E2F4: variants seen among roughly 807,000 people sequenced by gnomAD.
E2F4 encodes transcription factor E2F4.
E2F4 carries 16 observed loss-of-function variants against 44.5 expected under a neutral mutation model. The observed-to-expected ratio is 0.36, with a 90% confidence interval of 0.24 to 0.55. The LOEUF (loss-of-function observed/expected upper bound fraction) is 0.55, where lower values mean the gene tolerates loss of function less well. Ranked by LOEUF, E2F4 falls within the 20% of genes least tolerant of loss-of-function variation. The pLI, the probability that E2F4 is intolerant of heterozygous loss-of-function variation, is 0.87. For missense variants in E2F4, 473 were observed against 522.1 expected (o/e 0.91, Z 0.92); for synonymous variants, 242 against 207.2 (o/e 1.17, Z -1.44).
Position 67,192,227 on chromosome 16 carries a change from G to C in E2F4, c.-1G>C. The C allele has an allele frequency of 8.0e-7, 1 of 1,253,900 alleles. No homozygotes were observed. The highest frequency in any genetic ancestry group is 1.0e-6 in the Non-Finnish European group (1 of 998,284). The allele number at this position is 1,253,900 out of a possible 1,614,324, so 77.7% of individuals were successfully genotyped here. Reference sequence around the variant, plus strand: ...CTGAGGGGAGGCGGCGGGCGGGCGCGATGGCGGAGGCCGGGCCACAGGCGC... The same window carrying C: ...CTGAGGGGAGGCGGCGGGCGGGCGCCATGGCGGAGGCCGGGCCACAGGCGC... On this transcript the variant is annotated 5_prime_UTR_variant, in exon 1 of 10. Transcript: ENST00000379378.
chr16:67,195,358 C>A (rs3730402), intron 6 of E2F4, among the ~76,000 whole-genome samples: 6,057 of 152,290 alleles, frequency 0.04, 167 homozygotes, highest in Non-Finnish European at 0.057. Context: ...TTTCGAACTC[C>A]TGACCTCAAA....
In E2F4 at chr16:67,194,896, C is replaced by A; in HGVS notation, c.724C>A (p.Pro242Thr). Residue 242 changes from proline (P) to threonine (T), a missense_variant, in exon 6 of 10, where the codon CCA (proline) becomes ACA (threonine). Transcript: ENST00000379378. ...ALAQSQEASRPNSPQLTPTAV... is the reference protein window; with the variant it reads ...ALAQSQEASRTNSPQLTPTAV... ...AGCCCAGTCCCAGGAAGCCTCACGT[C>A]CAAATAGTCCTCAGCTCACTCCCAC... 2 of 1,614,184 alleles carry A rather than the reference C, an allele frequency of 1.2e-6. No individual in the cohort carries two copies. Among genetic ancestry groups the A allele is most frequent in the South Asian group, 2.2e-5 (2 of 91,086 alleles).
intron 6 of E2F4, 126 bp downstream of exon 6, chr16:67,195,106 T>C (rs769767670): frequency 4.0e-5 from 49 of 1,221,164 alleles, no homozygotes; most frequent in Non-Finnish European, 4.9e-5. Context: ...CCACCTAGCC[T>C]TCCCTTGCTA....
chr16:67,192,410 T>C, intron 1 of E2F4, 48 bp downstream of exon 1: 2 of 1,417,186 alleles, frequency 1.4e-6, no homozygotes, highest in South Asian at 3.4e-5. Context: ...GGACCAGGCC[T>C]GGGCCGGTAG....
At chr16:67,194,377 C>T (rs756909955) in intron 4 of E2F4, 21 bp from the exon 5 acceptor site, 1 of 1,613,834 alleles carries the variant, frequency 6.2e-7, no homozygotes, top group Non-Finnish European at 8.5e-7. Context: ...GGGCTCTGAC[C>T]CATTCTCCAT....
intron 1 of E2F4, 143 bp from the exon 2 acceptor site, chr16:67,192,618 C>A: frequency 1.1e-6 from 1 of 943,812 alleles, no homozygotes; most frequent in Non-Finnish European, 1.6e-6. Context: ...GCCTATGGGA[C>A]AGAGCTGCGG....
At chr16:67,195,737 C>G in intron 6 of E2F4, 45 bp from the exon 7 acceptor site, 2 of 1,609,696 alleles carry the variant, frequency 1.2e-6, no homozygotes, top group East Asian at 2.2e-5. Flanking sequence ...TTTCAACGAC[C>G]TCTTCCTGAC....
rs751878038 is a variant in E2F4, at chr16:67,197,879, C to T, written c.1094C>T (p.Ser365Leu). ...IFDPTRECMS[S>L]ELLEELMSSE... ...CCTCCATTCCCAGAGTGCATGAGCTCGGAGCTGCTGGAGGAGTTGATGTCC... is the reference window on the plus strand; with the variant it reads ...CCTCCATTCCCAGAGTGCATGAGCTTGGAGCTGCTGGAGGAGTTGATGTCC... Residue 365 changes from serine (S) to leucine (L), a missense_variant, in exon 9 of 10, where the codon TCG becomes TTG. This residue lies in a region of E2F4 where 314 missense variants were observed against 315.6 expected (regional missense o/e 0.99). Transcript: ENST00000379378. 118 of 1,613,838 alleles carry T rather than the reference C, an allele frequency of 7.3e-5. No individual in the cohort carries two copies. Among genetic ancestry groups the T allele is most frequent in the Middle Eastern group, 3.3e-4 (2 of 6,084 alleles).
At position 67,194,880 on chromosome 16, in the gene E2F4, C is replaced by T; in HGVS notation, c.708C>T (p.Ser236=). 2 of 1,614,180 alleles carry T rather than the reference C, an allele frequency of 1.2e-6. No individual in the cohort carries two copies. Among genetic ancestry groups the T allele is most frequent in the Non-Finnish European group, 1.7e-6 (2 of 1,180,032 alleles). ...PPLPKPALAQ[S]QEASRPNSPQ... ...TGCCCAAGCCTGCCCTAGCCCAGTC[C>T]CAGGAAGCCTCACGTCCAAATAGTC... Residue 236 remains serine (S), a synonymous_variant, in exon 6 of 10, where the codon TCC becomes TCT. Coordinates refer to ENST00000379378, the MANE Select transcript of E2F4 (RefSeq NM_001950.4).
Position 67,194,386 on chromosome 16 carries a change from A to G in E2F4, c.452-12A>G, listed in dbSNP as rs1848913256. 2.5e-6 allele frequency: 4 copies of G among 1,613,870 alleles called. No homozygotes were observed. Among genetic ancestry groups the G allele is most frequent in the Non-Finnish European group, 3.4e-6 (4 of 1,179,900 alleles). On this transcript the variant is annotated splice_polypyrimidine_tract_variant and intron_variant, in intron 4 of 9. Transcript: ENST00000379378. ...GCCCATGGGCTCTGACCCATTCTCC[A>G]TGTCATTCTAGGAGATACCCTCTTG...
chr16:67,193,892 G>A, intron 4 of E2F4: 1 of 301,368 alleles, frequency 3.3e-6, no homozygotes, highest in Non-Finnish European at 6.2e-6. Context: ...TAGTTTAGTT[G>A]CATTGTGAAT....
At position 67,198,058 on chromosome 16, in the gene E2F4, A is replaced by G. The variant is rs2033001149; in HGVS notation, c.1177A>G (p.Ile393Val). ...TCCACCCCCGGGAGACCACGATTAT[A>G]TCTACAACCTGGACGAGAGTGAAGG... ...LSPPPGDHDY[I>V]YNLDESEGVC... Residue 393 changes from isoleucine to valine, a missense_variant, in exon 10 of 10, where the codon ATC becomes GTC. Coordinates refer to ENST00000379378, the MANE Select transcript of E2F4 (RefSeq NM_001950.4). The G allele has an allele frequency of 6.2e-7, 1 of 1,613,926 alleles. No homozygotes were observed. Among genetic ancestry groups the G allele is most frequent in the Non-Finnish European group, 8.5e-7 (1 of 1,179,998 alleles).
chr16:67,197,322 A>G (rs1169139274), intron 7 of E2F4, among the ~76,000 whole-genome samples: 1 of 152,202 alleles, frequency 6.6e-6, no homozygotes, highest in Non-Finnish European at 1.5e-5. Context: ...CAGGGGGTGC[A>G]TGCTGAGCCC....
intron 7 of E2F4, among the ~76,000 whole-genome samples, chr16:67,197,204 C>G (rs1435673903): frequency 6.6e-6 from 1 of 152,158 alleles, no homozygotes; most frequent in Non-Finnish European, 1.5e-5. Flanking sequence ...AGTCATCACC[C>G]TGTAGCGCCA....
chr16:67,196,302 G>A (rs1286885050), intron 7 of E2F4, among the ~76,000 whole-genome samples: 1 of 151,954 alleles, frequency 6.6e-6, no homozygotes, highest in Non-Finnish European at 1.5e-5. Flanking sequence ...TTTCTGTCTG[G>A]ACTCCTTGAA....
Position 67,195,517 on chromosome 16 carries a change from G to A in E2F4, c.809-265G>A, listed in dbSNP as rs2142212966. ...TTTCTCCCCCAGATCCACATCCACT[G>A]GTGTCTCAATTGCCCTGGTAGCCCG... On this transcript the variant is annotated intron_variant, in intron 6 of 9. Coordinates refer to ENST00000379378, the MANE Select transcript of E2F4 (RefSeq NM_001950.4). 3 of 603,658 alleles carry A rather than the reference G, an allele frequency of 5.0e-6. No homozygotes were observed. The South Asian group carries it at 6.1e-5, about 12-fold the overall frequency. 37.4% of individuals were successfully genotyped at this position (603,658 alleles called of 1,614,324 possible). A position where few individuals can be genotyped will look rare whatever the true frequency, so the allele number is the denominator to read the frequency against.
intron 7 of E2F4, among the ~76,000 whole-genome samples, 200 bp from the exon 8 acceptor site, chr16:67,197,399 G>A (rs1274664309): frequency 6.6e-6 from 1 of 152,178 alleles, no homozygotes; most frequent in Non-Finnish European, 1.5e-5. Context: ...GGGGCCTTTG[G>A]TACCCTGGGC....
rs1321606204 is a variant in E2F4, at chr16:67,193,153, G to A, written c.390G>A (p.Glu130=). 6.4e-7 allele frequency: 1 copy of A among 1,571,550 alleles called. No homozygotes were observed. Among genetic ancestry groups the A allele is most frequent in the East Asian group, 2.4e-5 (1 of 42,004 alleles). ...WVQQSIRNVT[E]DVQNSCLAYV... ...AGCAGAGCATCCGGAACGTCACAGAGGACGTGCAGAACAGCTGATATCCTC... is the reference window on the plus strand; with the variant it reads ...AGCAGAGCATCCGGAACGTCACAGAAGACGTGCAGAACAGCTGATATCCTC... Residue 130 remains glutamate, a synonymous_variant, in exon 3 of 10, where the codon GAG becomes GAA. Coordinates refer to ENST00000379378, the MANE Select transcript of E2F4 (RefSeq NM_001950.4).
chr16:67,198,178 G>C lies in E2F4; in HGVS notation c.*55G>C. On this transcript the variant is annotated 3_prime_UTR_variant, in exon 10 of 10. Coordinates refer to ENST00000379378, the MANE Select transcript of E2F4 (RefSeq NM_001950.4). ...ACCCAGACTGTCTGACCTGGGGGTTGCCTGGGGACCTCTCCCACCCGACCC... is the reference window on the plus strand; with the variant it reads ...ACCCAGACTGTCTGACCTGGGGGTTCCCTGGGGACCTCTCCCACCCGACCC... 1.3e-6 allele frequency: 2 copies of C among 1,541,296 alleles called. No individual in the cohort carries two copies. The highest frequency in any genetic ancestry group is 1.8e-6 in the Non-Finnish European group (2 of 1,119,558).
Sources: allele counts gnomAD v4.1 joint callset (sites outside exome capture counted in the v4.1 genomes callset), GRCh38; gene constraint gnomAD v4.1.1; regional missense constraint gnomAD v4.1.1; transcripts MANE v1.5; gene names NCBI Gene and HGNC (gene_info 2026-07-23, HGNC 2026-07-21).